NSDHL: variants seen among roughly 807,000 people sequenced by gnomAD.
The protein encoded by NSDHL is NAD(P) dependent 3-beta-hydroxysteroid dehydrogenase NSDHL, also known as sterol-4-alpha-carboxylate 3-dehydrogenase, decarboxylating.
A neutral mutation model predicts 23.0 loss-of-function variants in NSDHL; 1 was observed. That is an observed-to-expected ratio of 0.04 (90% CI 0.02 to 0.21). The LOEUF (loss-of-function observed/expected upper bound fraction) is 0.21, where lower values mean the gene tolerates loss of function less well. NSDHL is among the 10% of genes least tolerant of loss of function. The pLI is 1.00. For missense variants in NSDHL, 237 were observed against 300.9 expected (o/e 0.79, Z 1.57); for synonymous variants, 128 against 121.1 (o/e 1.06, Z -0.37).
intron 4 of NSDHL, among the ~76,000 whole-genome samples, chrX:152,861,522 T>A (rs1248430884): frequency 8.8e-6 from 1 of 113,108 alleles, no homozygotes; most frequent in Non-Finnish European, 1.9e-5. Context: ...TACATATGTT[T>A]GGCTTAACCA....
intron 1 of NSDHL, among the ~76,000 whole-genome samples, chrX:152,838,720 A>G (rs1216388442): frequency 9.0e-6 from 1 of 111,729 alleles, no homozygotes; most frequent in Non-Finnish European, 1.9e-5. Flanking sequence ...ACTTCCAACT[A>G]TGTGGTCAAT....
rs191676005 is a variant in NSDHL, at chrX:152,869,615, A to C, written c.*499A>C. On this transcript the variant is annotated 3_prime_UTR_variant, in exon 8 of 8. Transcript: ENST00000370274. ...CACACAGGTGAGACTTTACATATAC[A>C]TTTCATACTGACAGTGAGCTTAGAG... The C allele has an allele frequency of 3.0e-3, 415 of 139,522 alleles. 6 individuals carry two copies. The highest frequency in any genetic ancestry group is 0.012 in the African/African-American group (398 of 32,665). 11.5% of individuals were successfully genotyped at this position (139,522 alleles called of 1,213,427 possible).
At chrX:152,836,062 GC>G (rs1556844051) in intron 1 of NSDHL, among the ~76,000 whole-genome samples, 1 of 112,595 alleles carries the variant, frequency 8.9e-6, no homozygotes, top group African/African-American at 3.2e-5. Flanking sequence ...GTGATGATCA[GC>G]ATTTTTTCGT....
chrX:152,846,843 G>A (rs1356450622), intron 2 of NSDHL, among the ~76,000 whole-genome samples: 1 of 112,226 alleles, frequency 8.9e-6, no homozygotes, highest in East Asian at 2.8e-4. Flanking sequence ...GCTTCCTAGT[G>A]AAATGGCAGC....
Position 152,869,628 on chromosome X carries a change from A to G in NSDHL, c.*512A>G. Reference sequence around the variant, plus strand: ...CTTTACATATACATTTCATACTGACAGTGAGCTTAGAGCAAAAGCTGAAAG... The same window carrying G: ...CTTTACATATACATTTCATACTGACGGTGAGCTTAGAGCAAAAGCTGAAAG... On this transcript the variant is annotated 3_prime_UTR_variant, in exon 8 of 8. Transcript: ENST00000370274. 7.4e-6 allele frequency: 1 copy of G among 135,978 alleles called. No individual in the cohort carries two copies. Among genetic ancestry groups the G allele is most frequent in the Admixed American group, 7.5e-5 (1 of 13,400 alleles). The allele number at this position is 135,978 out of a possible 1,213,427, so 11.2% of individuals were successfully genotyped here.
chrX:152,840,629 A>G (rs112031275), intron 1 of NSDHL, among the ~76,000 whole-genome samples: 3,084 of 112,174 alleles, frequency 0.027, 98 homozygotes, highest in African/African-American at 0.094. Context: ...GGTATCACCA[A>G]TGGAGGCTGC....
chrX:152,834,419 G>T (rs1933060629), intron 1 of NSDHL, among the ~76,000 whole-genome samples: 1 of 112,927 alleles, frequency 8.9e-6, no homozygotes. Flanking sequence ...GGACACCGCA[G>T]GTCCGTGGAA....
chrX:152,846,930 C>T (rs1432688065), intron 2 of NSDHL, among the ~76,000 whole-genome samples: 10 of 112,286 alleles, frequency 8.9e-5, no homozygotes, highest in African/African-American at 3.2e-4. Flanking sequence ...TGAGCCTGGT[C>T]GTTGTCAGGC....
rs6526132 is a variant in NSDHL, at chrX:152,850,003, A to G, written c.109-262A>G. ...TCCTTTCACTGAATACAAAGCATGG[A>G]TCTTGTCATCAAACCCAACCAAAGT... On this transcript the variant is annotated intron_variant, in intron 2 of 7. Coordinates refer to ENST00000370274, the MANE Select transcript of NSDHL (RefSeq NM_015922.3). Among the ~76,000 whole-genome samples, 7,104 of 111,545 alleles carry G rather than the reference A, an allele frequency of 0.064. 183 individuals are homozygous for G. Among genetic ancestry groups the G allele is most frequent in the South Asian group, 0.13 (332 of 2,649 alleles).
At chrX:152,832,000 C>G (rs185825811) in intron 1 of NSDHL, among the ~76,000 whole-genome samples, 3 of 111,586 alleles carry the variant, frequency 2.7e-5, no homozygotes, top group East Asian at 2.8e-4. Context: ...CATCATCCCC[C>G]CAAGTAGTAC....
At chrX:152,860,606 C>T (rs782355798) in intron 4 of NSDHL, among the ~76,000 whole-genome samples, 4 of 110,989 alleles carry the variant, frequency 3.6e-5, no homozygotes, top group Non-Finnish European at 3.8e-5. Flanking sequence ...TCAACTGTTT[C>T]GGGACGCTGA....
At chrX:152,848,885 A>G (rs1339904022) in intron 2 of NSDHL, among the ~76,000 whole-genome samples, 1 of 112,766 alleles carries the variant, frequency 8.9e-6, no homozygotes, top group Non-Finnish European at 1.9e-5. Flanking sequence ...ACTTGAGGAA[A>G]TATACATCTC....
chrX:152,838,211 C>T (rs1371436454), intron 1 of NSDHL, among the ~76,000 whole-genome samples: 3 of 111,453 alleles, frequency 2.7e-5, no homozygotes, highest in South Asian at 3.7e-4. Context: ...GTCTTGCTAG[C>T]GGTCTATCAA....
At chrX:152,855,333 G>T (rs969355450) in intron 3 of NSDHL, among the ~76,000 whole-genome samples, 1 of 111,891 alleles carries the variant, frequency 8.9e-6, no homozygotes. Context: ...CCTCGGTCTT[G>T]TGCATCTTTT....
intron 2 of NSDHL, among the ~76,000 whole-genome samples, chrX:152,848,727 A>AAC (rs1327990157): frequency 1.8e-5 from 2 of 112,226 alleles, no homozygotes; most frequent in African/African-American, 3.2e-5. Flanking sequence ...ACTTTTAGTA[A>AAC]ACTGCAGAAA....
At chrX:152,850,095 C>T (rs1933332366) in intron 2 of NSDHL, among the ~76,000 whole-genome samples, 170 bp from the exon 3 acceptor site, 1 of 112,066 alleles carries the variant, frequency 8.9e-6, no homozygotes, top group Admixed American at 9.4e-5. Context: ...GTTAGGGTTG[C>T]ACTAGTGATG....
chrX:152,852,744 C>T (rs989293837), intron 3 of NSDHL, among the ~76,000 whole-genome samples: 18 of 110,925 alleles, frequency 1.6e-4, no homozygotes, highest in East Asian at 8.6e-4. Context: ...TTCCCGAGGA[C>T]GCCTCATCCC....
intron 3 of NSDHL, 37 bp downstream of exon 3, chrX:152,850,460 C>T: frequency 8.5e-7 from 1 of 1,179,450 alleles, no homozygotes; most frequent in Non-Finnish European, 1.2e-6. Context: ...TTCCCACGAG[C>T]CCACGAAGGG....
intron 1 of NSDHL, among the ~76,000 whole-genome samples, chrX:152,838,469 A>AT (rs199705439): frequency 0.011 from 1,246 of 112,060 alleles, 25 homozygotes; most frequent in African/African-American, 0.038. Context: ...CACTGCTTTA[A>AT]ATGTGTTCCA....
Sources: gnomAD v4.1 joint callset for allele counts (sites outside exome capture counted in the v4.1 genomes callset) on GRCh38, gnomAD v4.1.1 for gene constraint, MANE v1.5 for transcripts, NCBI Gene and HGNC (gene_info 2026-07-23, HGNC 2026-07-21) for gene names.